The following EDDM13 variants were observed in gnomAD, a reference collection of about 807,000 sequenced individuals.
EDDM13 encodes the protein epididymal protein 13.
Under a neutral mutation model 17.8 loss-of-function variants are expected in EDDM13, and 24 were observed. The observed-to-expected ratio is 1.35, with a 90% confidence interval of 0.98 to 1.90. The LOEUF (loss-of-function observed/expected upper bound fraction) is 1.90, where lower values mean the gene tolerates loss of function less well. Among genes scored for constraint, EDDM13 ranks in the 40% most tolerant of loss-of-function variants. The probability of loss-of-function intolerance (pLI) is 0.00; values close to 1 mark genes in which losing one functional copy is unlikely to be tolerated. For synonymous variants in EDDM13, 31 were observed against 37.5 expected, an observed-to-expected ratio of 0.83 and a Z score of 0.63; for missense variants, 97 against 100.8, an observed-to-expected ratio of 0.96 and a Z score of 0.16.
chr19:56,278,911 G>C (rs914466741), intron 2 of EDDM13, among the ~76,000 whole-genome samples: 2 of 152,106 alleles, frequency 1.3e-5, no homozygotes, highest in African/African-American at 4.8e-5. Flanking sequence ...GCTTCAGCTG[G>C]GCCTCCATCC....
At position 56,284,513 on chromosome 19, in the gene EDDM13, ATTTTTTTTTTTT is replaced by A. The variant is rs11374260; in HGVS notation, c.127+317_127+328del. ...TTAGAGACAAGTGATGCTTGCTGTA[ATTTTTTTTTTTT>A]TTTTTTTTTGAGACAGTCTTGCTCT... On this transcript the variant is annotated intron_variant, in intron 5 of 14. Transcript: ENST00000649256. 7.8e-3 allele frequency among the ~76,000 whole-genome samples: 918 copies of A among 118,334 alleles called. 14 individuals carry two copies. The highest frequency in any genetic ancestry group is 0.027 in the African/African-American group (877 of 32,538). 77.6% of individuals were successfully genotyped at this position (118,334 alleles called of 152,430 possible). A position where few individuals can be genotyped will look rare whatever the true frequency, so the allele number is the denominator to read the frequency against.
At chr19:56,277,942 T>C (rs2038387915) in intron 2 of EDDM13, among the ~76,000 whole-genome samples, 1 of 152,166 alleles carries the variant, frequency 6.6e-6, no homozygotes, top group African/African-American at 2.4e-5. Context: ...TAAATATACA[T>C]ACTGACATAA....
intron 12 of EDDM13, among the ~76,000 whole-genome samples, chr19:56,301,249 CTGAATATATGATAAACAAGGGG>C (rs1568722997): frequency 1.3e-5 from 2 of 152,114 alleles, no homozygotes; most frequent in Non-Finnish European, 2.9e-5. Flanking sequence ...TAGTTATTTC[CTGAATATATGATAAACAAGGGG>C]TGGATTATTT....
chr19:56,284,762 C>T (rs1196408908), intron 5 of EDDM13, among the ~76,000 whole-genome samples: 1 of 152,052 alleles, frequency 6.6e-6, no homozygotes, highest in Non-Finnish European at 1.5e-5. Context: ...GATCCACCCA[C>T]CTCAGCCCCC....
chr19:56,307,804 C>T (rs2040796734), intron 14 of EDDM13, among the ~76,000 whole-genome samples: 1 of 152,160 alleles, frequency 6.6e-6, no homozygotes, highest in Non-Finnish European at 1.5e-5. Flanking sequence ...TGGGTACACA[C>T]CTATTTTAAA....
chr19:56,308,702 C>T (rs2040857166), intron 14 of EDDM13, among the ~76,000 whole-genome samples: 1 of 151,680 alleles, frequency 6.6e-6, no homozygotes, highest in South Asian at 2.1e-4. Flanking sequence ...ACATTGATTC[C>T]TTGATCTCTG....
intron 9 of EDDM13, among the ~76,000 whole-genome samples, chr19:56,291,759 G>A (rs1182895863): frequency 6.6e-6 from 1 of 151,566 alleles, no homozygotes; most frequent in Admixed American, 6.6e-5. Context: ...TTAAACTCAA[G>A]AACTGGGAAA....
intron 4 of EDDM13, chr19:56,283,635 A>T (rs898042907): frequency 1.6e-4 from 24 of 152,200 alleles, no homozygotes; most frequent in Admixed American, 5.2e-4. Flanking sequence ...CGCCCCAGTT[A>T]ACGTTCCCGT....
Position 56,307,580 on chromosome 19 carries a change from A to G in EDDM13, c.462-2544A>G, listed in dbSNP as rs1317270049. ...CTGCTGTCTTACGTTACTCTCTTTTACCCCGTATCTTGCAGTGTTTCCTTT... is the reference window on the plus strand; with the variant it reads ...CTGCTGTCTTACGTTACTCTCTTTTGCCCCGTATCTTGCAGTGTTTCCTTT... On this transcript the variant is annotated intron_variant, in intron 14 of 14. Transcript: ENST00000649256. 4.6e-5 allele frequency among the ~76,000 whole-genome samples: 7 copies of G among 152,166 alleles called. No individual in the cohort carries two copies. In the East Asian group the frequency reaches 1.2e-3, roughly 25 times the overall value.
intron 12 of EDDM13, among the ~76,000 whole-genome samples, chr19:56,298,927 G>GA (rs1391823779): frequency 1.2e-4 from 18 of 152,260 alleles, no homozygotes; most frequent in Middle Eastern, 3.4e-3. Context: ...AATATAGATG[G>GA]AAAATCCTAG....
At chr19:56,294,581 T>G (rs2039735651) in intron 9 of EDDM13, among the ~76,000 whole-genome samples, 1 of 152,200 alleles carries the variant, frequency 6.6e-6, no homozygotes, top group South Asian at 2.1e-4. Flanking sequence ...TACTCAATGC[T>G]GCCTTTGTGG....
chr19:56,273,772 A>G (rs1464512869), intron 1 of EDDM13, among the ~76,000 whole-genome samples: 1 of 152,184 alleles, frequency 6.6e-6, no homozygotes, highest in Non-Finnish European at 1.5e-5. Flanking sequence ...AGACGGGGGC[A>G]TGTGAGTCAC....
chr19:56,282,542 C>T, intron 4 of EDDM13, 43 bp downstream of exon 4: 1 of 983,890 alleles, frequency 1.0e-6, no homozygotes, highest in Non-Finnish European at 1.2e-6. Context: ...GGTCTGTTTG[C>T]CTTTGTCCAA....
At chr19:56,273,129 T>C (rs2037974720) in intron 1 of EDDM13, among the ~76,000 whole-genome samples, 1 of 152,198 alleles carries the variant, frequency 6.6e-6, no homozygotes, top group African/African-American at 2.4e-5. Context: ...TGTGTCTGCA[T>C]CCTGGTTTCT....
At chr19:56,300,993 C>T (rs1316561508) in intron 12 of EDDM13, among the ~76,000 whole-genome samples, 2 of 152,088 alleles carry the variant, frequency 1.3e-5, no homozygotes, top group East Asian at 1.9e-4. Flanking sequence ...GAAAGGATGG[C>T]GTAGTGGGCA....
At chr19:56,305,309 G>A (rs2040613160) in intron 14 of EDDM13, among the ~76,000 whole-genome samples, 1 of 152,130 alleles carries the variant, frequency 6.6e-6, no homozygotes, top group South Asian at 2.1e-4. Flanking sequence ...CACCTACTCT[G>A]GTCATTTCAT....
At chr19:56,278,484 A>G (rs2038434882) in intron 2 of EDDM13, among the ~76,000 whole-genome samples, 1 of 152,220 alleles carries the variant, frequency 6.6e-6, no homozygotes, top group Non-Finnish European at 1.5e-5. Context: ...TCACACAGAT[A>G]AGGAGTTGGA....
intron 6 of EDDM13, among the ~76,000 whole-genome samples, chr19:56,287,830 A>T (rs1366855587): frequency 6.6e-6 from 1 of 152,184 alleles, no homozygotes; most frequent in African/African-American, 2.4e-5. Flanking sequence ...ATGAATTTCC[A>T]AGTATCCCTT....
intron 4 of EDDM13, 126 bp downstream of exon 4, chr19:56,282,625 G>C (rs907882844): frequency 2.0e-5 from 9 of 442,900 alleles, no homozygotes; most frequent in African/African-American, 1.7e-4. Flanking sequence ...TCTAATAGCG[G>C]AACTAGTAAA....
Sources: gnomAD v4.1 joint callset for allele counts (sites outside exome capture counted in the v4.1 genomes callset) on GRCh38, gnomAD v4.1.1 for gene constraint, MANE v1.5 for transcripts, NCBI Gene and HGNC (gene_info 2026-07-23, HGNC 2026-07-21) for gene names.